Variants in PDE1C observed in about 807,000 individuals in gnomAD.
The protein encoded by PDE1C is phosphodiesterase 1C.
PDE1C carries 62 observed loss-of-function variants against 93.1 expected under a neutral mutation model. That is an observed-to-expected ratio of 0.67 (90% confidence interval 0.54 to 0.82). The LOEUF (loss-of-function observed/expected upper bound fraction) is 0.82. Among genes scored for constraint, PDE1C ranks in the 40% least tolerant of loss-of-function variants. PDE1C has a pLI of 0.00. For missense variants in PDE1C, 742 were observed against 884.6 expected, an observed-to-expected ratio of 0.84 and a Z score of 2.04; for synonymous variants, 325 against 310.1, an observed-to-expected ratio of 1.05 and a Z score of -0.50.
At chr7:32,372,413 G>T (rs1784350051) in intron 1 of PDE1C, among the ~76,000 whole-genome samples, 1 of 152,150 alleles carries the variant, frequency 6.6e-6, no homozygotes, top group African/African-American at 2.4e-5. Flanking sequence ...TTTTCAATAA[G>T]TGGTTCTGGG....
chr7:31,714,246 G>A, the PDE1C span, among the ~76,000 whole-genome samples: 3,046 of 152,204 alleles, frequency 0.02, 114 homozygotes, highest in African/African-American at 0.069. Context: ...TCTAGGGCAG[G>A]GGTAAAATGC....
At position 31,880,776 on chromosome 7, in the gene PDE1C, C is replaced by A. The variant is rs751035021; in HGVS notation, c.213G>T (p.Val71=). ...LKKNLEYAAT[V]LESVYIDETR... is the part of the protein sequence containing the mutation. ...TTTCATCAATATACACAGATTCAAG[C>A]ACTGTGGCTGCATATTCCAAATTCT... Residue 71 remains valine (V), a synonymous_variant, in exon 3 of 18, where the codon GTG becomes GTT. Coordinates refer to ENST00000396191, the MANE Select transcript of PDE1C (RefSeq NM_001191057.4). The A allele has an allele frequency of 3.7e-6, 6 of 1,604,668 alleles. No homozygotes were observed. The highest frequency in any genetic ancestry group is 5.1e-6 in the Non-Finnish European group (6 of 1,171,726).
At chr7:31,618,059 G>C in the PDE1C span, among the ~76,000 whole-genome samples, 1 of 152,176 alleles carries the variant, frequency 6.6e-6, no homozygotes, top group Non-Finnish European at 1.5e-5. Flanking sequence ...GAAGCCAAGA[G>C]ATGACAGAAG....
chr7:31,903,278 T>TC (rs1800204601), intron 2 of PDE1C, among the ~76,000 whole-genome samples: 1 of 151,954 alleles, frequency 6.6e-6, no homozygotes, highest in Non-Finnish European at 1.5e-5. Context: ...CTAAACCAAA[T>TC]CTTGTCATAT....
At chr7:32,093,283 TC>T (rs1797574622) in intron 3 of PDE1C, among the ~76,000 whole-genome samples, 1 of 152,138 alleles carries the variant, frequency 6.6e-6, no homozygotes, top group South Asian at 2.1e-4. Flanking sequence ...AGAGCATTAA[TC>T]CCCATTTTCC....
the PDE1C span, among the ~76,000 whole-genome samples, chr7:31,674,504 T>C: frequency 6.6e-6 from 1 of 152,168 alleles, no homozygotes; most frequent in Non-Finnish European, 1.5e-5. Context: ...TCAGGGAATA[T>C]ATCTTGCTAG....
chr7:31,853,411 G>GA (rs1386963428), intron 7 of PDE1C, among the ~76,000 whole-genome samples: 5 of 152,152 alleles, frequency 3.3e-5, no homozygotes, highest in Admixed American at 3.3e-4. Context: ...GACAGAGAAA[G>GA]AAATGAAGGT....
intron 3 of PDE1C, among the ~76,000 whole-genome samples, chr7:32,097,459 T>C (rs1291889017): frequency 6.6e-6 from 1 of 152,120 alleles, no homozygotes; most frequent in African/African-American, 2.4e-5. Context: ...GGAGGAAACA[T>C]TCAATAACCT....
chr7:32,345,806 C>A (rs1367734787), intron 1 of PDE1C, among the ~76,000 whole-genome samples: 4 of 152,112 alleles, frequency 2.6e-5, no homozygotes, highest in African/African-American at 9.7e-5. Flanking sequence ...GAGATACCAC[C>A]ACACCCTCTA....
chr7:31,877,620 A>G (rs1045872071), intron 5 of PDE1C, among the ~76,000 whole-genome samples: 1 of 150,666 alleles, frequency 6.6e-6, no homozygotes, highest in African/African-American at 2.4e-5. Flanking sequence ...GACAATTGCA[A>G]ATACTGAAGA....
rs375745932 is a variant in PDE1C, at chr7:32,019,924, G to A, written c.128+31630C>T. Among the ~76,000 whole-genome samples the A allele has an allele frequency of 9.9e-5, 15 of 152,194 alleles. 3 individuals are homozygous for A. The highest frequency in any genetic ancestry group is 6.5e-5 in the Admixed American group (1 of 15,270). On this transcript the variant is annotated intron_variant, in intron 2 of 17. Transcript: ENST00000396191. ...TGAAACTTCTAAGGGTGGATATATA[G>A]GTCTGAAGTTCAGGGAAAAGAGCAA...
At chr7:31,750,897 A>G (rs527243035), downstream of PDE1C, among the ~76,000 whole-genome samples, 1 of 152,316 alleles carries the variant, frequency 6.6e-6, no homozygotes, top group Admixed American at 6.5e-5. Flanking sequence ...CACTAGCAAG[A>G]TAGCTTGGTC....
intron 2 of PDE1C, among the ~76,000 whole-genome samples, chr7:32,207,509 C>A (rs1805673436): frequency 6.6e-6 from 1 of 152,152 alleles, no homozygotes; most frequent in African/African-American, 2.4e-5. Context: ...TTTTTGCCTT[C>A]CTAAAAGTCA....
intron 1 of PDE1C, among the ~76,000 whole-genome samples, chr7:32,305,808 G>A (rs1040907266): frequency 7.2e-5 from 11 of 152,246 alleles, no homozygotes; most frequent in Non-Finnish European, 1.2e-4. Context: ...CCTTCTCCAA[G>A]GTGGAAGCAG....
intron 3 of PDE1C, among the ~76,000 whole-genome samples, chr7:32,101,499 C>T (rs1038872220): frequency 6.6e-6 from 1 of 152,038 alleles, no homozygotes; most frequent in African/African-American, 2.4e-5. Context: ...TTGGTGCTGT[C>T]CCCATGGTAA....
chr7:31,799,502 C>A (rs1365057496), intron 16 of PDE1C, among the ~76,000 whole-genome samples: 1 of 151,578 alleles, frequency 6.6e-6, no homozygotes, highest in Non-Finnish European at 1.5e-5. Context: ...GTCATCCATT[C>A]CAAATTCATT....
the PDE1C span, among the ~76,000 whole-genome samples, chr7:31,618,948 G>A: frequency 6.6e-6 from 1 of 152,224 alleles, no homozygotes; most frequent in Non-Finnish European, 1.5e-5. Flanking sequence ...GAGAGAGTAG[G>A]TGACTCAAAG....
chr7:31,977,806 C>G (rs186344693), intron 2 of PDE1C, among the ~76,000 whole-genome samples: 4 of 152,096 alleles, frequency 2.6e-5, no homozygotes, highest in Admixed American at 2.0e-4. Context: ...ATGAATAAGC[C>G]CAGTATAAAT....
At chr7:31,960,374 C>T (rs1338511973) in intron 2 of PDE1C, among the ~76,000 whole-genome samples, 1 of 152,052 alleles carries the variant, frequency 6.6e-6, no homozygotes, top group African/African-American at 2.4e-5. Context: ...AATCATGAGG[C>T]AATTTCTGAC....
Sources: allele counts gnomAD v4.1 joint callset (sites outside exome capture counted in the v4.1 genomes callset), GRCh38; gene constraint gnomAD v4.1.1; transcripts MANE v1.5; gene names NCBI Gene and HGNC (gene_info 2026-07-23, HGNC 2026-07-21).